Variants in LMNA observed in about 807,000 individuals in gnomAD.
The protein encoded by LMNA is lamin A/C.
A neutral mutation model predicts 70.4 loss-of-function variants in LMNA; 20 were observed. That is an observed-to-expected ratio of 0.28 (90% CI 0.20 to 0.41). The LOEUF is 0.41. LMNA is among the 10% of genes least tolerant of loss of function. The probability of loss-of-function intolerance (pLI) is 1.00; values close to 1 mark genes in which losing one functional copy is unlikely to be tolerated. For synonymous variants in LMNA, 339 were observed against 372.8 expected (o/e 0.91, Z 1.04); for missense variants, 652 against 917.2 (o/e 0.71, Z 3.73).
rs938055235 is a variant in LMNA at position 156,134,712 on chromosome 1, G to C, written c.640-93G>C. 12 of 1,574,090 alleles carry C rather than the reference G, an allele frequency of 7.6e-6. No homozygotes were observed. Among genetic ancestry groups the C allele is most frequent in the Admixed American group, 1.7e-5 (1 of 59,930 alleles). ...AGTGGGGCTGGTAGTGGCTCATGGA[G>C]TAGGGCTGGGCAGGGAGCCCCGCCC... On this transcript the variant is annotated intron_variant, in intron 3 of 11. Transcript: ENST00000368300. This position sits in a 1 kb window ranked among gnomAD's most constrained non-coding sequence, Gnocchi z 5.3.
chr1:156,122,357 C>T (rs574650342), intron 1 of LMNA, among the ~76,000 whole-genome samples: 13 of 152,216 alleles, frequency 8.5e-5, no homozygotes, highest in African/African-American at 2.7e-4. Flanking sequence ...CAGTGACCCA[C>T]AAAGTGAGAA....
At chr1:156,121,600 C>T (rs1650194622) in intron 1 of LMNA, among the ~76,000 whole-genome samples, 1 of 151,988 alleles carries the variant, frequency 6.6e-6, no homozygotes, top group East Asian at 1.9e-4. Context: ...TGCGCTGAAG[C>T]CCAGGACAGC....
In LMNA at chr1:156,094,497, C is replaced by T. The variant is rs150381748; in HGVS notation, c.-207+3915C>T. On this transcript the variant is annotated intron_variant, in intron 3 of 12. Transcript: ENST00000368301. ...GGGACTACAGAGGCGTGCCACCATGCCTGGCTAATTTTTGTATTTTTAGTA... is the reference window on the plus strand; with the variant it reads ...GGGACTACAGAGGCGTGCCACCATGTCTGGCTAATTTTTGTATTTTTAGTA... Among the ~76,000 whole-genome samples, 20 of 151,508 alleles carry T rather than the reference C, an allele frequency of 1.3e-4. No individual in the cohort carries two copies. In the East Asian group the frequency reaches 3.9e-3, roughly 30 times the overall value.
Position 156,103,090 on chromosome 1 carries a change from T to TG in LMNA, c.-206-11618dup, listed in dbSNP as rs1196943536. Among the ~76,000 whole-genome samples, 1 of 152,184 alleles carries TG rather than the reference T, an allele frequency of 6.6e-6. No homozygotes were observed. Among genetic ancestry groups the TG allele is most frequent in the Non-Finnish European group, 1.5e-5 (1 of 68,020 alleles). The stretch of plus-strand genomic sequence containing the variant: ...CTATCCTTGCCTCAAGGTGGACCCA[T>TG]GGGGGCTGCAGCTGAGCTGGGGACT... On this transcript the variant is annotated intron_variant, in intron 3 of 12. Transcript: ENST00000368301. This position sits in a 1 kb window ranked among gnomAD's most constrained non-coding sequence, Gnocchi z 4.7.
chr1:156,135,384 T>TG lies in LMNA; in HGVS notation c.936+77dup. The TG allele has an allele frequency of 6.0e-6, 3 of 500,736 alleles. No homozygotes were observed. Among genetic ancestry groups the TG allele is most frequent in the Middle Eastern group, 6.5e-4 (1 of 1,544 alleles). The allele number at this position is 500,736 out of a possible 1,614,324, so 31.0% of individuals were successfully genotyped here. A position where few individuals can be genotyped will look rare whatever the true frequency, so the allele number is the denominator to read the frequency against. Reference sequence around the variant, plus strand: ...CGGATGCAGGCTGGAAGCCCAGGGTTGGGGGTGGGGGTGGGGGTGGGAGGT... The same window carrying TG: ...CGGATGCAGGCTGGAAGCCCAGGGTTGGGGGGTGGGGGTGGGGGTGGGAGGT... On this transcript the variant is annotated intron_variant, in intron 5 of 11. Transcript: ENST00000368300. This position sits in a 1 kb window ranked among gnomAD's most constrained non-coding sequence, Gnocchi z 4.8.
In LMNA at chr1:156,139,885, C is replaced by CAAGTGGGGTGCTGGGAGG; in HGVS notation, c.*781_*798dup. 6.9e-7 allele frequency: 1 copy of CAAGTGGGGTGCTGGGAGG among 1,442,810 alleles called. No homozygotes were observed. Among genetic ancestry groups the CAAGTGGGGTGCTGGGAGG allele is most frequent in the Non-Finnish European group, 9.1e-7 (1 of 1,096,408 alleles). The allele number at this position is 1,442,810 out of a possible 1,614,324, so 89.4% of individuals were successfully genotyped here. The stretch of plus-strand genomic sequence containing the variant: ...CTGTGCAGTCACTGGAGGTTGAAGC[C>CAAGTGGGGTGCTGGGAGG]AAGTGGGGTGCTGGGAGGAGGGAGA... On this transcript the variant is annotated 3_prime_UTR_variant, in exon 12 of 12. Coordinates refer to ENST00000368300, the MANE Select transcript of LMNA (RefSeq NM_170707.4).
At position 156,103,136 on chromosome 1, in the gene LMNA, G is replaced by A. The variant is rs973663806; in HGVS notation, c.-206-11577G>A. On this transcript the variant is annotated intron_variant, in intron 3 of 12. Transcript: ENST00000368301. This position sits in a 1 kb window ranked among gnomAD's most constrained non-coding sequence, Gnocchi z 4.7. ...GGACTTTGTCCCTGCAGCTGCTCTG[G>A]CCAACCCTCCAACCCTGGAGAACCT... 2.0e-5 allele frequency among the ~76,000 whole-genome samples: 3 copies of A among 152,182 alleles called. No individual in the cohort carries two copies. Among genetic ancestry groups the A allele is most frequent in the African/African-American group, 7.2e-5 (3 of 41,440 alleles).
At chr1:156,100,585 C>T (rs1649108826) in intron 3 of LMNA, among the ~76,000 whole-genome samples, 1 of 151,964 alleles carries the variant, frequency 6.6e-6, no homozygotes, top group Non-Finnish European at 1.5e-5. Flanking sequence ...GCAGTGCACA[C>T]AGGGAGCTCA....
Position 156,137,298 on chromosome 1 carries a change from G to C in LMNA, c.1608+66G>C. 1 of 1,534,948 alleles carries C rather than the reference G, an allele frequency of 6.5e-7. No individual in the cohort carries two copies. The highest frequency in any genetic ancestry group is 1.2e-5 in the South Asian group (1 of 83,682). On this transcript the variant is annotated intron_variant, in intron 9 of 11. Transcript: ENST00000368300. This position sits in a 1 kb window ranked among gnomAD's most constrained non-coding sequence, Gnocchi z 4.6. Reference sequence around the variant, plus strand: ...CCCCTGATGGCCAACATCGGAGCCAGCTGCCCCCAACCCAAGTTTGCCAAT... The same window carrying C: ...CCCCTGATGGCCAACATCGGAGCCACCTGCCCCCAACCCAAGTTTGCCAAT...
chr1:156,136,250 C>A lies in LMNA; in HGVS notation c.1194C>A (p.Ser398Arg). 1 of 1,611,954 alleles carries A rather than the reference C, an allele frequency of 6.2e-7. No individual in the cohort carries two copies. ...CCCCCAGCCCTACCTCGCAGCGCAG[C>A]CGTGGCCGTGCTTCCTCTCACTCAT... is the stretch of plus-strand genomic sequence containing the variant. ...RLSPSPTSQRSRGRASSHSSQ... is the reference protein window; with the variant it reads ...RLSPSPTSQRRRGRASSHSSQ... Residue 398 changes from serine (S) to arginine (R), a missense_variant, in exon 7 of 12, where the codon AGC becomes AGA. Physicochemically the swap from Ser to Arg is moderately radical, Grantham distance 110. Around this residue, in one of 4 missense-constraint regions of LMNA, gnomAD observed 327 missense variants for 387.6 expected, o/e 0.84. Coordinates refer to ENST00000368300, the MANE Select transcript of LMNA (RefSeq NM_170707.4). The surrounding 1 kb of genome is among the most constrained non-coding windows in gnomAD (Gnocchi z 6.1).
At chr1:156,125,052 C>T (rs559228031) in intron 1 of LMNA, among the ~76,000 whole-genome samples, 9 of 152,300 alleles carry the variant, frequency 5.9e-5, no homozygotes, top group Non-Finnish European at 1.3e-4. Context: ...GCTTTAGTTT[C>T]CCCCTGTAAA....
At chr1:156,114,176 C>A (rs1417055211), upstream of LMNA, among the ~76,000 whole-genome samples, 1 of 152,234 alleles carries the variant, frequency 6.6e-6, no homozygotes, top group Non-Finnish European at 1.5e-5. Flanking sequence ...CCACCCCACT[C>A]CTGGCACACT....
At position 156,131,746 on chromosome 1, in the gene LMNA, G is replaced by A. The variant is rs551170001; in HGVS notation, c.513+973G>A. 2.6e-5 allele frequency among the ~76,000 whole-genome samples: 4 copies of A among 152,332 alleles called. No homozygotes were observed. In the South Asian group the frequency reaches 8.3e-4, roughly 32 times the overall value. On this transcript the variant is annotated intron_variant, in intron 2 of 11. Transcript: ENST00000368300. ...GATTTCTCTGGGGAAAAGGAGGACT[G>A]GAGTTGATCATTTATTGAGGCCATC...
In LMNA at chr1:156,138,796, G is replaced by C; in HGVS notation, c.1968+39G>C. On this transcript the variant is annotated intron_variant, in intron 11 of 11. Transcript: ENST00000368300. This position sits in a 1 kb window ranked among gnomAD's most constrained non-coding sequence, Gnocchi z 5.5. Reference sequence around the variant, plus strand: ...GCTTTGTCTCCAAATCCTGCAGGCGGGTCCCTGGTCATCGAGGGGTAGGAC... The same window carrying C: ...GCTTTGTCTCCAAATCCTGCAGGCGCGTCCCTGGTCATCGAGGGGTAGGAC... 4 of 1,612,748 alleles carry C rather than the reference G, an allele frequency of 2.5e-6. No homozygotes were observed. Among genetic ancestry groups the C allele is most frequent in the Non-Finnish European group, 3.4e-6 (4 of 1,179,816 alleles).
rs1651378960 is a variant in LMNA at position 156,134,697 on chromosome 1, G to A, written c.640-108G>A. 2.6e-6 allele frequency: 4 copies of A among 1,555,092 alleles called. No individual in the cohort carries two copies. The highest frequency in any genetic ancestry group is 3.3e-5 in the Admixed American group (2 of 59,828). On this transcript the variant is annotated intron_variant, in intron 3 of 11. Coordinates refer to ENST00000368300, the MANE Select transcript of LMNA (RefSeq NM_170707.4). This position sits in a 1 kb window ranked among gnomAD's most constrained non-coding sequence, Gnocchi z 5.3. Reference sequence around the variant, plus strand: ...CAGCTCCCAGGTTAAAGTGGGGCTGGTAGTGGCTCATGGAGTAGGGCTGGG... The same window carrying A: ...CAGCTCCCAGGTTAAAGTGGGGCTGATAGTGGCTCATGGAGTAGGGCTGGG...
intron 3 of LMNA, chr1:156,091,049 G>A (rs539579313): frequency 6.6e-6 from 1 of 152,332 alleles, no homozygotes; most frequent in African/African-American, 2.4e-5. Context: ...CCAACACATG[G>A]GGGATAATGA....
In LMNA at chr1:156,137,191, G is replaced by A. The variant is rs201583907; in HGVS notation, c.1567G>A (p.Gly523Arg). The change falls in exon 9 of 12, where the codon GGG (glycine) becomes AGG (arginine). Residue 523 changes from glycine (G) to arginine (R), a missense_variant. This residue lies in a region of LMNA where 327 missense variants were observed against 387.6 expected (regional missense o/e 0.84). Transcript: ENST00000368300. The surrounding 1 kb of genome is among the most constrained non-coding windows in gnomAD (Gnocchi z 4.6). Reference sequence around the variant, plus strand: ...GAAGGCACAGAACACCTGGGGCTGCGGGAACAGCCTGCGTACGGCTCTCAT... The same window carrying A: ...GAAGGCACAGAACACCTGGGGCTGCAGGAACAGCCTGCGTACGGCTCTCAT... ...VWKAQNTWGC[G>R]NSLRTALINS... is the part of the protein sequence containing the mutation. 130 of 1,606,820 alleles carry A rather than the reference G, an allele frequency of 8.1e-5. No homozygotes were observed. The highest frequency in any genetic ancestry group is 1.0e-4 in the Non-Finnish European group (123 of 1,177,322).
At position 156,132,822 on chromosome 1, in the gene LMNA, CCT is replaced by C. The variant is rs201479816; in HGVS notation, c.514-1566_514-1565del. Among the ~76,000 whole-genome samples, 707 of 147,478 alleles carry C rather than the reference CCT, an allele frequency of 4.8e-3. 26 individuals are homozygous for C. Among genetic ancestry groups the C allele is most frequent in the African/African-American group, 0.012 (484 of 39,408 alleles). On this transcript the variant is annotated intron_variant, in intron 2 of 11. Coordinates refer to ENST00000368300, the MANE Select transcript of LMNA (RefSeq NM_170707.4). ...TTCTTTATAAATAGAGCCATGTTCT[CCT>C]CTCTCTCTCTCTCTTTTTTTTTTTT...
At chr1:156,126,427 GC>G (rs1650581570) in intron 1 of LMNA, 2 of 622,236 alleles carry the variant, frequency 3.2e-6, no homozygotes, top group Admixed American at 5.7e-5. Context: ...GCCCAAACAG[GC>G]CTGTGGCCGG....
Sources: allele counts gnomAD v4.1 joint callset (sites outside exome capture counted in the v4.1 genomes callset), GRCh38; gene constraint gnomAD v4.1.1; regional missense constraint gnomAD v4.1.1; non-coding constraint Gnocchi (gnomAD v3.1); transcripts MANE v1.5; gene names NCBI Gene and HGNC (gene_info 2026-07-23, HGNC 2026-07-21).